The following CPPED1 variants were observed in gnomAD, a reference collection of about 807,000 sequenced individuals.
The protein encoded by CPPED1 is calcineurin like phosphoesterase domain containing 1, also known as serine/threonine-protein phosphatase CPPED1.
A neutral mutation model predicts 28.0 loss-of-function variants in CPPED1; 28 were observed. The ratio of observed to expected loss-of-function variants is 1.00; its 90% CI spans 0.74 to 1.37. The LOEUF is 1.37. Ranked by LOEUF, CPPED1 falls within the 40% of genes most tolerant of loss-of-function variation. The pLI is 0.00. For synonymous variants in CPPED1, 198 were observed against 180.2 expected (o/e 1.10, Z -0.79); for missense variants, 504 against 416.5 (o/e 1.21, Z -1.83).
intron 2 of CPPED1, among the ~76,000 whole-genome samples, chr16:12,755,186 T>C (rs1275417498): frequency 6.6e-6 from 1 of 152,096 alleles, no homozygotes; most frequent in East Asian, 1.9e-4. Flanking sequence ...GCATTGGAAT[T>C]GCATCATTTT....
At chr16:12,673,839 G>A (rs565201513) in intron 3 of CPPED1, among the ~76,000 whole-genome samples, 10 of 152,262 alleles carry the variant, frequency 6.6e-5, no homozygotes, top group Admixed American at 3.9e-4. Flanking sequence ...TTGGGGCCAG[G>A]AGTTGGAGAC....
intron 2 of CPPED1, among the ~76,000 whole-genome samples, chr16:12,720,096 G>C (rs1459199216): frequency 2.0e-5 from 3 of 152,048 alleles, no homozygotes; most frequent in African/African-American, 7.3e-5. Flanking sequence ...TATAGTTCTG[G>C]ACAGGCCTAG....
intron 3 of CPPED1, among the ~76,000 whole-genome samples, chr16:12,689,217 CTTT>C (rs869107040): frequency 6.0e-5 from 5 of 83,592 alleles, no homozygotes; most frequent in Non-Finnish European, 6.6e-5. Context: ...GAAAAGAGGG[CTTT>C]TTTTTTTTTT....
At chr16:12,714,920 G>A (rs966052507) in intron 2 of CPPED1, among the ~76,000 whole-genome samples, 1 of 151,630 alleles carries the variant, frequency 6.6e-6, no homozygotes, top group African/African-American at 2.4e-5. Flanking sequence ...CAGTTTTCTA[G>A]TTTTAGCTCT....
At chr16:12,795,006 AG>A (rs1450336809) in intron 1 of CPPED1, among the ~76,000 whole-genome samples, 2 of 152,360 alleles carry the variant, frequency 1.3e-5, no homozygotes, top group Admixed American at 1.3e-4. Context: ...AGACATTTCC[AG>A]AACCTCTCTC....
intron 3 of CPPED1, among the ~76,000 whole-genome samples, chr16:12,681,419 C>T (rs147257816): frequency 1.3e-5 from 2 of 152,252 alleles, no homozygotes; most frequent in East Asian, 3.9e-4. Flanking sequence ...GACTTCCCAA[C>T]CCCCAGAACT....
intron 2 of CPPED1, among the ~76,000 whole-genome samples, chr16:12,730,602 C>T (rs1465909126): frequency 6.6e-6 from 1 of 152,176 alleles, no homozygotes; most frequent in East Asian, 1.9e-4. Flanking sequence ...TGGTATACTA[C>T]ATGGCTATAA....
chr16:12,736,952 G>A (rs914701832), intron 2 of CPPED1, among the ~76,000 whole-genome samples: 1 of 152,124 alleles, frequency 6.6e-6, no homozygotes, highest in Non-Finnish European at 1.5e-5. Flanking sequence ...CACCTTGGGA[G>A]GCCCAGGTGG....
intron 3 of CPPED1, among the ~76,000 whole-genome samples, chr16:12,681,982 C>G (rs2079907359): frequency 1.3e-5 from 2 of 152,078 alleles, no homozygotes; most frequent in South Asian, 4.2e-4. Flanking sequence ...AGCATCACTT[C>G]CCTATCCTGG....
Position 12,803,839 on chromosome 16 carries a change from C to A in CPPED1, c.-63G>T. Reference sequence around the variant, plus strand: ...TGGGTGGAAGCCGCGCGACTTCACACAGAACAACCGCTGGACCTGTCCCGC... The same window carrying A: ...TGGGTGGAAGCCGCGCGACTTCACAAAGAACAACCGCTGGACCTGTCCCGC... On this transcript the variant is annotated 5_prime_UTR_variant, in exon 1 of 4. Transcript: ENST00000381774. 1 of 1,483,384 alleles carries A rather than the reference C, an allele frequency of 6.7e-7. No individual in the cohort carries two copies. Among genetic ancestry groups the A allele is most frequent in the South Asian group, 1.2e-5 (1 of 81,316 alleles). The allele number at this position is 1,483,384 out of a possible 1,614,324, so 91.9% of individuals were successfully genotyped here.
chr16:12,680,010 A>C (rs550725165), intron 3 of CPPED1, among the ~76,000 whole-genome samples: 1 of 152,342 alleles, frequency 6.6e-6, no homozygotes, highest in African/African-American at 2.4e-5. Flanking sequence ...GAGTAGCTCC[A>C]AGAGATTACC....
intron 2 of CPPED1, among the ~76,000 whole-genome samples, chr16:12,707,413 G>T (rs1004487654): frequency 2.6e-5 from 4 of 152,136 alleles, no homozygotes; most frequent in African/African-American, 9.7e-5. Context: ...GAACTTGGTG[G>T]TCTGGCTCAA....
chr16:12,733,517 C>T (rs184262497), intron 2 of CPPED1, among the ~76,000 whole-genome samples: 56 of 152,188 alleles, frequency 3.7e-4, no homozygotes, highest in Admixed American at 3.3e-3. Flanking sequence ...TCAGGTGATC[C>T]GCCCGCCTTG....
intron 1 of CPPED1, among the ~76,000 whole-genome samples, chr16:12,788,608 G>C (rs1376770796): frequency 6.6e-6 from 1 of 152,130 alleles, no homozygotes. Context: ...GCTTAGGCAT[G>C]CCTCAAGTTC....
chr16:12,740,022 A>T (rs1377846487), intron 2 of CPPED1, among the ~76,000 whole-genome samples: 1 of 150,190 alleles, frequency 6.7e-6, no homozygotes, highest in Non-Finnish European at 1.5e-5. Flanking sequence ...AAGAAAGACG[A>T]AAGAAAGAAA....
At chr16:12,693,274 A>T (rs1596448339) in intron 3 of CPPED1, among the ~76,000 whole-genome samples, 1 of 152,082 alleles carries the variant, frequency 6.6e-6, no homozygotes, top group Non-Finnish European at 1.5e-5. Context: ...GCAATCATGG[A>T]TCACTGCAAC....
At chr16:12,736,901 G>C (rs1328815408) in intron 2 of CPPED1, among the ~76,000 whole-genome samples, 2 of 152,058 alleles carry the variant, frequency 1.3e-5, no homozygotes, top group Admixed American at 6.6e-5. Context: ...TAAAATCAGA[G>C]ATCATCAGAT....
At chr16:12,740,721 G>C (rs908622228) in intron 2 of CPPED1, among the ~76,000 whole-genome samples, 1 of 152,180 alleles carries the variant, frequency 6.6e-6, no homozygotes, top group Non-Finnish European at 1.5e-5. Flanking sequence ...TGAGAATGCT[G>C]GGGGAGCAGG....
At chr16:12,685,590 G>A (rs886255833) in intron 3 of CPPED1, among the ~76,000 whole-genome samples, 6 of 152,326 alleles carry the variant, frequency 3.9e-5, no homozygotes, top group South Asian at 2.1e-4. Context: ...TCTTGGGACC[G>A]TGTTTGAAAC....
Sources: gnomAD v4.1 joint callset for allele counts (sites outside exome capture counted in the v4.1 genomes callset) on GRCh38, gnomAD v4.1.1 for gene constraint, MANE v1.5 for transcripts, NCBI Gene and HGNC (gene_info 2026-07-23, HGNC 2026-07-21) for gene names.